Variants in KLRG1 observed in about 807,000 individuals in gnomAD.
KLRG1 encodes killer cell lectin like receptor G1, also known as killer cell lectin-like receptor subfamily G member 1.
KLRG1 carries 16 observed loss-of-function variants against 21.8 expected under a neutral mutation model. The ratio of observed to expected loss-of-function variants is 0.73; its 90% confidence interval spans 0.50 to 1.11. KLRG1 has a LOEUF of 1.11. Among genes scored for constraint, KLRG1 ranks in the 50% most tolerant of loss-of-function variants. The pLI is 0.00. For synonymous variants in KLRG1, 69 were observed against 75.9 expected (o/e 0.91, Z 0.47); for missense variants, 173 against 218.3 (o/e 0.79, Z 1.31).
At chr12:9,151,251 C>T in the KLRG1 span, among the ~76,000 whole-genome samples, 5 of 152,124 alleles carry the variant, frequency 3.3e-5, no homozygotes, top group Non-Finnish European at 5.9e-5. Flanking sequence ...AACAGGAATG[C>T]ATGATAACCT....
At chr12:9,007,005 A>T (rs1201893583) in intron 3 of KLRG1, among the ~76,000 whole-genome samples, 2 of 152,234 alleles carry the variant, frequency 1.3e-5, no homozygotes, top group Non-Finnish European at 2.9e-5. Flanking sequence ...TGTTTTCAGG[A>T]TACTGGGCTC....
intron 1 of KLRG1, among the ~76,000 whole-genome samples, chr12:8,978,862 G>C (rs1009932284): frequency 6.6e-6 from 1 of 151,148 alleles, no homozygotes; most frequent in Admixed American, 6.6e-5. Context: ...CTACAGGTAT[G>C]TGCCACTGCA....
At chr12:9,018,221 A>T in the KLRG1 span, among the ~76,000 whole-genome samples, 2 of 152,218 alleles carry the variant, frequency 1.3e-5, no homozygotes, top group African/African-American at 4.8e-5. Flanking sequence ...ATTCCTATCA[A>T]AATACCAATG....
chr12:9,125,649 C>T, the KLRG1 span, among the ~76,000 whole-genome samples: 107 of 152,292 alleles, frequency 7.0e-4, 1 homozygote, highest in African/African-American at 2.5e-3. Context: ...TATTCCTCTC[C>T]ATGGACTCTT....
chr12:9,096,598 A>G, the KLRG1 span, among the ~76,000 whole-genome samples: 15 of 152,318 alleles, frequency 9.8e-5, no homozygotes, highest in Non-Finnish European at 1.6e-4. Context: ...TGATGCTTTC[A>G]AGTCCATTTG....
the KLRG1 span, chr12:9,150,775 A>C: frequency 7.3e-7 from 1 of 1,376,228 alleles, no homozygotes; most frequent in African/African-American, 1.4e-5. Flanking sequence ...GTAATCAAGA[A>C]CCTAGAAAAC....
intron 3 of KLRG1, among the ~76,000 whole-genome samples, chr12:9,008,418 A>C (rs1045302219): frequency 6.6e-6 from 1 of 152,246 alleles, no homozygotes; most frequent in Admixed American, 6.5e-5. Context: ...GCTCCTCTCT[A>C]CAGCTAACAC....
the KLRG1 span, chr12:9,151,692 T>C: frequency 6.2e-7 from 1 of 1,606,244 alleles, no homozygotes; most frequent in Admixed American, 1.7e-5. Context: ...ATTAGAAAAC[T>C]TCAGTTAAAG....
At chr12:9,123,253 A>G in the KLRG1 span, among the ~76,000 whole-genome samples, 1 of 152,168 alleles carries the variant, frequency 6.6e-6, no homozygotes, top group Non-Finnish European at 1.5e-5. Context: ...TATATATACT[A>G]TGTTTTTTCC....
chr12:9,077,795 G>A, the KLRG1 span: 1 of 1,614,174 alleles, frequency 6.2e-7, no homozygotes. Flanking sequence ...GGTAATGTGT[G>A]CTTCATCGAT....
At chr12:9,196,748 C>T in the KLRG1 span, 8 of 1,383,228 alleles carry the variant, frequency 5.8e-6, no homozygotes, top group South Asian at 5.9e-5. Flanking sequence ...ACTGAATCTA[C>T]TATTCTGTCT....
chr12:9,214,214 T>C, the KLRG1 span, among the ~76,000 whole-genome samples: 3 of 152,062 alleles, frequency 2.0e-5, no homozygotes, highest in Admixed American at 6.5e-5. Context: ...GCTAGTACCA[T>C]GCTGTCTTGA....
chr12:8,971,008 A>G (rs1250914063), intron 1 of KLRG1: 1 of 152,128 alleles, frequency 6.6e-6, no homozygotes, highest in African/African-American at 2.4e-5. Context: ...ATATTTTGTT[A>G]AAGATTTTCA....
chr12:9,039,225 C>T, the KLRG1 span, among the ~76,000 whole-genome samples: 3 of 152,228 alleles, frequency 2.0e-5, no homozygotes, highest in Admixed American at 2.0e-4. Context: ...TCTTTGTCCT[C>T]TCTCATTTGT....
downstream of KLRG1, among the ~76,000 whole-genome samples, chr12:9,012,635 A>G (rs150345918): frequency 2.7e-4 from 41 of 151,862 alleles, no homozygotes; most frequent in Non-Finnish European, 4.0e-4. Flanking sequence ...GATTTAACCC[A>G]AGACTAATGG....
chr12:9,009,010 C>T lies in KLRG1; in HGVS notation c.393C>T (p.Cys131=). Residue 131 remains cysteine, a synonymous_variant, in exon 4 of 5, where the codon TGC becomes TGT. Transcript: ENST00000356986. ...AAGTTTTCCTCAGTGAGGCCTTTTG[C>T]TGGATTGGTCTGAGGAACAATTCTG... is the stretch of plus-strand genomic sequence containing the variant. ...LLQVFLSEAF[C]WIGLRNNSGW... 6.2e-7 allele frequency: 1 copy of T among 1,613,852 alleles called. No homozygotes were observed. The highest frequency in any genetic ancestry group is 8.5e-7 in the Non-Finnish European group (1 of 1,179,898).
chr12:9,152,184 T>G, the KLRG1 span: 1 of 1,415,814 alleles, frequency 7.1e-7, no homozygotes, highest in African/African-American at 1.4e-5. Context: ...AGAACATACT[T>G]TTGTATGAAG....
At chr12:9,188,993 A>G in the KLRG1 span, among the ~76,000 whole-genome samples, 1 of 152,216 alleles carries the variant, frequency 6.6e-6, no homozygotes, top group South Asian at 2.1e-4. Flanking sequence ...GCTCAAAGAA[A>G]TCAGAGATGA....
At chr12:8,997,237 A>G (rs1186570546) in intron 3 of KLRG1, among the ~76,000 whole-genome samples, 1 of 152,066 alleles carries the variant, frequency 6.6e-6, no homozygotes, top group Non-Finnish European at 1.5e-5. Context: ...AGTGCTGGAG[A>G]GGGCGGAATG....
Sources: gnomAD v4.1 joint callset for allele counts (sites outside exome capture counted in the v4.1 genomes callset) on GRCh38, gnomAD v4.1.1 for gene constraint, MANE v1.5 for transcripts, NCBI Gene and HGNC (gene_info 2026-07-23, HGNC 2026-07-21) for gene names.